Variants in ASTN1 observed in about 807,000 individuals in gnomAD.
ASTN1 encodes astrotactin 1.
ASTN1 carries 41 observed loss-of-function variants against 140.7 expected under a neutral mutation model. The observed-to-expected ratio is 0.29, with a 90% CI of 0.23 to 0.38. ASTN1 has a LOEUF of 0.38. Ranked by LOEUF, ASTN1 falls within the 10% of genes least tolerant of loss-of-function variation. ASTN1 has a pLI of 1.00. For synonymous variants in ASTN1, 640 were observed against 652.2 expected (o/e 0.98, Z 0.29); for missense variants, 1,479 against 1,678.8 (o/e 0.88, Z 2.08).
chr1:177,146,705 C>T (rs895413953), intron 1 of ASTN1, among the ~76,000 whole-genome samples: 8 of 152,158 alleles, frequency 5.3e-5, no homozygotes, highest in African/African-American at 1.7e-4. Context: ...CTCTTGAAAG[C>T]TTGAATTTTA....
Position 176,876,642 on chromosome 1 carries a change from CA to C in ASTN1, c.3363-6del. On this transcript the variant is annotated splice_polypyrimidine_tract_variant and splice_region_variant and intron_variant, in intron 20 of 22. Coordinates refer to ENST00000361833, the MANE Select transcript of ASTN1 (RefSeq NM_004319.3). ...TCCACTCCCCACAGCGTGAACCTGGCAGGGAGTGGGAGGGCATGGTTAGCAG... is the reference window on the plus strand; with the variant it reads ...TCCACTCCCCACAGCGTGAACCTGGCGGGAGTGGGAGGGCATGGTTAGCAG... The C allele has an allele frequency of 6.2e-7, 1 of 1,613,884 alleles. No homozygotes were observed. Among genetic ancestry groups the C allele is most frequent in the Non-Finnish European group, 8.5e-7 (1 of 1,179,886 alleles).
chr1:177,085,420 T>C (rs1679415932), intron 1 of ASTN1, among the ~76,000 whole-genome samples: 1 of 152,210 alleles, frequency 6.6e-6, no homozygotes. Context: ...TGTCTTCCTG[T>C]TTACCCAGCG....
intron 1 of ASTN1, among the ~76,000 whole-genome samples, chr1:177,121,216 G>A (rs1219142389): frequency 1.3e-5 from 2 of 152,150 alleles, no homozygotes; most frequent in African/African-American, 2.4e-5. Flanking sequence ...ATGAAAGGGA[G>A]TGCCGAGTGC....
intron 1 of ASTN1, among the ~76,000 whole-genome samples, chr1:177,077,219 C>T (rs1316257591): frequency 6.6e-6 from 1 of 152,080 alleles, no homozygotes; most frequent in East Asian, 1.9e-4. Flanking sequence ...GGACTTTCCC[C>T]CTCAATCTCA....
At chr1:177,077,650 G>T (rs757999838) in intron 1 of ASTN1, among the ~76,000 whole-genome samples, 11 of 152,160 alleles carry the variant, frequency 7.2e-5, no homozygotes, top group South Asian at 2.1e-4. Context: ...CTCATAAGCT[G>T]CCAGACAACT....
At chr1:176,905,991 C>T (rs1669982160) in intron 16 of ASTN1, among the ~76,000 whole-genome samples, 1 of 152,184 alleles carries the variant, frequency 6.6e-6, no homozygotes, top group South Asian at 2.1e-4. Context: ...GATGTGAGGG[C>T]CATGGCCACT....
intron 8 of ASTN1, among the ~76,000 whole-genome samples, chr1:176,988,034 A>G (rs1159829393): frequency 6.6e-6 from 1 of 152,218 alleles, no homozygotes; most frequent in Non-Finnish European, 1.5e-5. Context: ...GATGGGAGTT[A>G]GAGCAGGCAT....
chr1:176,926,269 G>T (rs1438560879), intron 16 of ASTN1, among the ~76,000 whole-genome samples: 4 of 134,476 alleles, frequency 3.0e-5, no homozygotes, highest in Non-Finnish European at 6.2e-5. Context: ...GATATAACAT[G>T]CTTAGCAAAG....
At chr1:177,067,361 CT>C (rs1279225506) in intron 1 of ASTN1, among the ~76,000 whole-genome samples, 1 of 152,128 alleles carries the variant, frequency 6.6e-6, no homozygotes, top group African/African-American at 2.4e-5. Flanking sequence ...GAGCTCCGGA[CT>C]TTAGTAGTGA....
At position 177,107,435 on chromosome 1, in the gene ASTN1, G is replaced by A. The variant is rs140236627; in HGVS notation, c.284-46170C>T. 3.3e-4 allele frequency among the ~76,000 whole-genome samples: 51 copies of A among 152,316 alleles called. No homozygotes were observed. The East Asian group carries it at 8.9e-3, about 27-fold the overall frequency. Reference sequence around the variant, plus strand: ...GCAAGAGATCTATGCATAAACCTAGGAAGGATAGTCCATTTGCTACTCCAG... The same window carrying A: ...GCAAGAGATCTATGCATAAACCTAGAAAGGATAGTCCATTTGCTACTCCAG... On this transcript the variant is annotated intron_variant, in intron 1 of 22. Coordinates refer to ENST00000361833, the MANE Select transcript of ASTN1 (RefSeq NM_004319.3).
Position 177,164,424 on chromosome 1 carries a change from C to T in ASTN1, c.253G>A (p.Glu85Lys). ...PGEMVVVDDL[E>K]NTELPYFVLE... ...ACGAAGTAGGGCAGCTCCGTGTTCT[C>T]CAGGTCGTCCACCACGACCATTTCT... is the stretch of plus-strand genomic sequence containing the variant. Residue 85 changes from glutamate to lysine, a missense_variant, in exon 1 of 23, where the codon GAG becomes AAG. Glu to Lys is a moderately conservative substitution (Grantham distance 56). Coordinates refer to ENST00000361833, the MANE Select transcript of ASTN1 (RefSeq NM_004319.3). 1 of 1,612,344 alleles carries T rather than the reference C, an allele frequency of 6.2e-7. No individual in the cohort carries two copies. The highest frequency in any genetic ancestry group is 8.5e-7 in the Non-Finnish European group (1 of 1,179,040).
chr1:176,949,145 C>G, intron 12 of ASTN1, 40 bp downstream of exon 12: 1 of 1,610,220 alleles, frequency 6.2e-7, no homozygotes. Context: ...CGTCCTGGGA[C>G]AGATGGACGC....
chr1:177,078,790 T>C (rs969540715), intron 1 of ASTN1, among the ~76,000 whole-genome samples: 1 of 152,166 alleles, frequency 6.6e-6, no homozygotes, highest in African/African-American at 2.4e-5. Context: ...TTCTTTTTTA[T>C]TATCAAAGAA....
At chr1:177,132,362 G>C (rs866929549) in intron 1 of ASTN1, among the ~76,000 whole-genome samples, 2 of 152,138 alleles carry the variant, frequency 1.3e-5, no homozygotes, top group South Asian at 4.1e-4. Flanking sequence ...GAGATGAGTA[G>C]GTACCAAATG....
chr1:177,135,716 A>C (rs949857256), intron 1 of ASTN1, among the ~76,000 whole-genome samples: 2 of 152,130 alleles, frequency 1.3e-5, no homozygotes, highest in Non-Finnish European at 1.5e-5. Context: ...CAGTTTCATC[A>C]TTTGTGATAC....
intron 2 of ASTN1, among the ~76,000 whole-genome samples, chr1:177,048,232 A>G (rs1003229375): frequency 6.6e-6 from 1 of 152,166 alleles, no homozygotes; most frequent in Non-Finnish European, 1.5e-5. Context: ...AGTACCTCGG[A>G]CGAGCCTCTC....
chr1:177,093,118 A>G (rs1679845936), intron 1 of ASTN1, among the ~76,000 whole-genome samples: 1 of 152,236 alleles, frequency 6.6e-6, no homozygotes, highest in East Asian at 1.9e-4. Flanking sequence ...AAAGTCTGGT[A>G]CATGGTAAAG....
chr1:176,897,101 C>T (rs1464988862), intron 16 of ASTN1, among the ~76,000 whole-genome samples: 2 of 151,854 alleles, frequency 1.3e-5, no homozygotes, highest in Admixed American at 1.3e-4. Context: ...ATGGTGAAAC[C>T]CCGTCTCTAC....
intron 8 of ASTN1, among the ~76,000 whole-genome samples, chr1:176,983,242 T>G (rs1673713765): frequency 6.6e-6 from 1 of 152,148 alleles, no homozygotes; most frequent in South Asian, 2.1e-4. Flanking sequence ...GTTGGCAGGT[T>G]GATCTGGGCC....
Sources: gnomAD v4.1 joint callset for allele counts (sites outside exome capture counted in the v4.1 genomes callset) on GRCh38, gnomAD v4.1.1 for gene constraint, MANE v1.5 for transcripts, NCBI Gene and HGNC (gene_info 2026-07-23, HGNC 2026-07-21) for gene names.